The following RGS12 variants were observed in gnomAD, a reference collection of about 807,000 sequenced individuals.
RGS12 encodes the protein regulator of G-protein signaling 12.
A neutral mutation model predicts 120.1 loss-of-function variants in RGS12; 66 were observed. The ratio of observed to expected loss-of-function variants is 0.55; its 90% CI spans 0.45 to 0.67. The LOEUF is 0.67. Ranked by LOEUF, RGS12 falls within the 30% of genes least tolerant of loss-of-function variation. The pLI is 0.00. For missense variants in RGS12, 1,859 were observed against 1,957.7 expected (o/e 0.95, Z 0.95); for synonymous variants, 827 against 804.7 (o/e 1.03, Z -0.47).
intron 3 of RGS12, among the ~76,000 whole-genome samples, chr4:3,344,905 C>T (rs75168611): frequency 0.017 from 2,663 of 152,330 alleles, 83 homozygotes; most frequent in African/African-American, 0.061. Context: ...TCCATGACTC[C>T]TTGGAGAGGG....
chr4:3,321,717 C>T (rs559794463), intron 2 of RGS12, among the ~76,000 whole-genome samples: 10 of 152,204 alleles, frequency 6.6e-5, no homozygotes, highest in Non-Finnish European at 1.5e-4. Context: ...GCTCCTCCCC[C>T]CAGTGGACTG....
At chr4:3,356,174 C>T (rs920922083) in intron 3 of RGS12, among the ~76,000 whole-genome samples, 1 of 151,580 alleles carries the variant, frequency 6.6e-6, no homozygotes, top group African/African-American at 2.4e-5. Flanking sequence ...TGGCCTCAGC[C>T]CCCTCATATA....
At chr4:3,439,072 G>A (rs1348936713) in intron 17 of RGS12, among the ~76,000 whole-genome samples, 1 of 152,026 alleles carries the variant, frequency 6.6e-6, no homozygotes, top group Non-Finnish European at 1.5e-5. Context: ...GGCCCTTGAG[G>A]ATGGGCCCTG....
Position 3,416,520 on chromosome 4 carries a change from G to A in RGS12, c.2428-393G>A, listed in dbSNP as rs549535696. Among the ~76,000 whole-genome samples the A allele has an allele frequency of 1.9e-3, 283 of 152,318 alleles. 1 individual carries two copies. Among genetic ancestry groups the A allele is most frequent in the African/African-American group, 3.5e-3 (147 of 41,570 alleles). ...TATTCGAGACGTGCCTGTGCATGTC[G>A]CTGCGGCACGTGGGTCACGTTCACA... On this transcript the variant is annotated intron_variant, in intron 7 of 17. Transcript: ENST00000336727.
intron 9 of RGS12, 95 bp downstream of exon 9, chr4:3,417,636 T>C (rs988002080): frequency 1.2e-5 from 16 of 1,358,908 alleles, no homozygotes; most frequent in African/African-American, 1.4e-5. Context: ...CCTTGGGCCA[T>C]GTGTGCAGTG....
At chr4:3,311,892 C>T (rs1274923958) in intron 1 of RGS12, among the ~76,000 whole-genome samples, 1 of 152,160 alleles carries the variant, frequency 6.6e-6, no homozygotes, top group African/African-American at 2.4e-5. Context: ...CAGTGCTGTG[C>T]GGCGAGTGGG....
rs566076688 is a variant in RGS12, at chr4:3,439,501, C to T, written c.4161C>T (p.Ile1387=). 22 of 1,612,862 alleles carry T rather than the reference C, an allele frequency of 1.4e-5. No individual in the cohort carries two copies. In the South Asian group the frequency reaches 1.4e-4, roughly 10 times the overall value. ...GAGACCTCCCAGTCAACAGAATCATCGATGTGGATCTTGTAACTGGCTCGG... is the reference window on the plus strand; with the variant it reads ...GAGACCTCCCAGTCAACAGAATCATTGATGTGGATCTTGTAACTGGCTCGG... The part of the protein sequence containing the change: ...GSRDLPVNRI[I]DVDLVTGSAP... Residue 1387 remains isoleucine (I), a synonymous_variant, in exon 18 of 18, where the codon ATC becomes ATT. Transcript: ENST00000336727.
At chr4:3,315,751 A>T (rs953557827) in intron 1 of RGS12, among the ~76,000 whole-genome samples, 4 of 152,202 alleles carry the variant, frequency 2.6e-5, no homozygotes, top group Admixed American at 2.6e-4. Flanking sequence ...TCCACGGACC[A>T]CACTTTGAGT....
chr4:3,369,440 A>G (rs1308538203), intron 3 of RGS12, among the ~76,000 whole-genome samples: 2 of 152,136 alleles, frequency 1.3e-5, no homozygotes, highest in East Asian at 3.9e-4. Context: ...AGAGCCATGG[A>G]CCTAGCCTGG....
At position 3,318,788 on chromosome 4, in the gene RGS12, G is replaced by C. The variant is rs566436151; in HGVS notation, c.1881+737G>C. On this transcript the variant is annotated intron_variant, in intron 2 of 17. Transcript: ENST00000336727. ...TGTGGGAGTGTGCGGGGCTGTGCCT[G>C]TGCGGTTGGGTGCAGGGAACCCTCT... Among the ~76,000 whole-genome samples, 6 of 152,280 alleles carry C rather than the reference G, an allele frequency of 3.9e-5. No individual in the cohort carries two copies. The South Asian group carries it at 1.2e-3, about 32-fold the overall frequency.
chr4:3,286,585 C>G, the RGS12 span, among the ~76,000 whole-genome samples: 1 of 152,194 alleles, frequency 6.6e-6, no homozygotes, highest in Non-Finnish European at 1.5e-5. Context: ...GAAGCCTGTG[C>G]TGGGGGCTGC....
intron 3 of RGS12, among the ~76,000 whole-genome samples, chr4:3,364,911 C>A (rs1009214261): frequency 2.0e-5 from 3 of 151,924 alleles, no homozygotes; most frequent in Admixed American, 2.0e-4. Flanking sequence ...CTCCCCGTGG[C>A]GAGAGGAGGC....
rs117376481 is a variant in RGS12, at chr4:3,400,013, T to C, written c.2020+13576T>C. On this transcript the variant is annotated intron_variant, in intron 4 of 17. Transcript: ENST00000336727. ...TGTTTCACATTCATTGGCCAAAGCA[T>C]AACACATGGTTTGCCTGACGTCAGT... 2.6e-5 allele frequency among the ~76,000 whole-genome samples: 4 copies of C among 152,346 alleles called. No homozygotes were observed. The East Asian group carries it at 7.7e-4, about 29-fold the overall frequency.
chr4:3,375,768 C>T (rs1213606095), intron 3 of RGS12, among the ~76,000 whole-genome samples: 1 of 151,296 alleles, frequency 6.6e-6, no homozygotes, highest in Non-Finnish European at 1.5e-5. Flanking sequence ...TCTCCAGCCT[C>T]ATCTCCAGCA....
intron 3 of RGS12, among the ~76,000 whole-genome samples, chr4:3,355,377 G>T (rs899969535): frequency 6.6e-6 from 1 of 152,138 alleles, no homozygotes; most frequent in African/African-American, 2.4e-5. Flanking sequence ...AATCGTTACC[G>T]GAAGTCCTGG....
At chr4:3,295,868 G>A (rs1458140165) in intron 1 of RGS12, among the ~76,000 whole-genome samples, 2 of 152,184 alleles carry the variant, frequency 1.3e-5, no homozygotes, top group Non-Finnish European at 2.9e-5. Context: ...CTTCCCAGTT[G>A]TATGAGTTTC....
chr4:3,411,068 C>G (rs1721684982), intron 4 of RGS12, among the ~76,000 whole-genome samples: 1 of 152,196 alleles, frequency 6.6e-6, no homozygotes, highest in African/African-American at 2.4e-5. Flanking sequence ...TTTCCTCACT[C>G]CAATGTTTTA....
At chr4:3,347,588 ATAAG>A (rs1560104098) in intron 3 of RGS12, among the ~76,000 whole-genome samples, 1 of 152,212 alleles carries the variant, frequency 6.6e-6, no homozygotes, top group Non-Finnish European at 1.5e-5. Flanking sequence ...CTTGATCTTG[ATAAG>A]TAGTTTCACA....
intron 10 of RGS12, among the ~76,000 whole-genome samples, chr4:3,421,144 G>C (rs1309519460): frequency 6.6e-6 from 1 of 152,142 alleles, no homozygotes; most frequent in African/African-American, 2.4e-5. Flanking sequence ...CTCTGCCTGC[G>C]GGCCGCCTGT....
Sources: gnomAD v4.1 joint callset for allele counts (sites outside exome capture counted in the v4.1 genomes callset) on GRCh38, gnomAD v4.1.1 for gene constraint, MANE v1.5 for transcripts, NCBI Gene and HGNC (gene_info 2026-07-23, HGNC 2026-07-21) for gene names.